Variants in SLC2A14 observed in about 807,000 individuals in gnomAD.
SLC2A14 encodes the protein solute carrier family 2 member 14, also known as solute carrier family 2, facilitated glucose transporter member 14.
A neutral mutation model predicts 43.0 loss-of-function variants in SLC2A14; 13 were observed. The observed-to-expected ratio is 0.30, with a 90% CI of 0.20 to 0.48. The LOEUF (loss-of-function observed/expected upper bound fraction) is 0.48. Ranked by LOEUF, SLC2A14 falls within the 20% of genes least tolerant of loss-of-function variation. The probability of loss-of-function intolerance (pLI) is 0.99; values close to 1 mark genes in which losing one functional copy is unlikely to be tolerated. For missense variants in SLC2A14, 428 were observed against 620.4 expected, an observed-to-expected ratio of 0.69 and a Z score of 3.29; for synonymous variants, 190 against 233.8, an observed-to-expected ratio of 0.81 and a Z score of 1.71.
intron 2 of SLC2A14, among the ~76,000 whole-genome samples, chr12:7,854,815 A>AT (rs1867221511): frequency 6.8e-6 from 1 of 147,492 alleles, no homozygotes; most frequent in Admixed American, 6.8e-5. Context: ...TTATTATTTT[A>AT]TTTTTTATTT....
chr12:7,863,350 T>G, intron 2 of SLC2A14: 1 of 452,854 alleles, frequency 2.2e-6, no homozygotes, highest in Non-Finnish European at 4.4e-6. Context: ...CGCACCACTT[T>G]AAGGGCTGTA....
chr12:7,816,339 CAT>C, intron 10 of SLC2A14, among the ~76,000 whole-genome samples: 1 of 49,732 alleles, frequency 2.0e-5, no homozygotes, highest in Non-Finnish European at 3.9e-5. Context: ...CTCCTGACCT[CAT>C]GATCCACCCG....
intron 2 of SLC2A14, among the ~76,000 whole-genome samples, chr12:7,836,523 C>T (rs1051815697): frequency 6.6e-6 from 1 of 152,098 alleles, no homozygotes; most frequent in East Asian, 1.9e-4. Flanking sequence ...CCCAGCCCAA[C>T]CACAGATGTA....
chr12:7,841,199 T>A (rs775586449), intron 2 of SLC2A14, among the ~76,000 whole-genome samples: 1 of 152,156 alleles, frequency 6.6e-6, no homozygotes, highest in African/African-American at 2.4e-5. Context: ...TCCCATGTAC[T>A]CCCTTAACAC....
chr12:7,844,983 T>G (rs1223923102), intron 2 of SLC2A14, among the ~76,000 whole-genome samples: 1 of 152,160 alleles, frequency 6.6e-6, no homozygotes, highest in Non-Finnish European at 1.5e-5. Flanking sequence ...TTATCACCAT[T>G]TTATAGGTGC....
chr12:7,850,467 C>T (rs1262366143), intron 2 of SLC2A14, among the ~76,000 whole-genome samples: 5 of 151,094 alleles, frequency 3.3e-5, no homozygotes, highest in Non-Finnish European at 7.4e-5. Flanking sequence ...GTGATCTCGG[C>T]TCACTGCAAC....
At chr12:7,840,032 A>G (rs1256703174) in intron 2 of SLC2A14, 1 of 334,868 alleles carries the variant, frequency 3.0e-6, no homozygotes, top group African/African-American at 2.3e-5. Context: ...GGATCACTTG[A>G]GCCCGGGAGG....
In SLC2A14 at chr12:7,814,416, G is replaced by T; in HGVS notation, c.1394C>A (p.Ala465Asp). Reference protein sequence around the residue: ...RGRTFEDITRAFEGQAHGADR... With the variant: ...RGRTFEDITRDFEGQAHGADR... ...TGCACCGTGTGCCTGCCCTTCAAAG[G>T]CCCGTGTGATATCCTCAAAAGTCCT... The change falls in exon 11 of 11, where the codon GCC becomes GAC. Residue 465 changes from alanine to aspartate, a missense_variant. By Grantham distance (126) the Ala-to-Asp change is moderately radical. Around this residue, in one of 4 missense-constraint regions of SLC2A14, gnomAD observed 119 missense variants for 188.7 expected, o/e 0.63. Transcript: ENST00000431042. 6.2e-7 allele frequency: 1 copy of T among 1,613,256 alleles called. No individual in the cohort carries two copies. The highest frequency in any genetic ancestry group is 8.5e-7 in the Non-Finnish European group (1 of 1,179,718).
At chr12:7,845,517 C>T (rs777886848) in intron 2 of SLC2A14, among the ~76,000 whole-genome samples, 6 of 151,866 alleles carry the variant, frequency 4.0e-5, no homozygotes, top group African/African-American at 9.7e-5. Context: ...TGGTGGCTTA[C>T]GCCTGTAATC....
upstream of SLC2A14, chr12:7,873,265 C>T (rs1285765893): frequency 4.1e-6 from 4 of 985,528 alleles, no homozygotes; most frequent in Non-Finnish European, 4.8e-6. Context: ...AGCCCCTCAC[C>T]GCCTGCAGCA....
chr12:7,830,050 G>A (rs1328848507), intron 4 of SLC2A14, 44 bp from the exon 5 acceptor site: 3 of 1,611,258 alleles, frequency 1.9e-6, no homozygotes, highest in Non-Finnish European at 2.5e-6. Flanking sequence ...CAAAGTGAGA[G>A]GCTCCTAACT....
chr12:7,863,675 A>G (rs1475395741), intron 2 of SLC2A14, among the ~76,000 whole-genome samples: 1 of 152,076 alleles, frequency 6.6e-6, no homozygotes, highest in Non-Finnish European at 1.5e-5. Context: ...CAATTCATTG[A>G]CATATAAACT....
intron 2 of SLC2A14, among the ~76,000 whole-genome samples, chr12:7,868,170 G>A (rs951645317): frequency 2.4e-4 from 36 of 152,106 alleles, no homozygotes; most frequent in Admixed American, 7.9e-4. Flanking sequence ...CTGATCAGTC[G>A]GCAGCCATCA....
intron 2 of SLC2A14, chr12:7,863,546 C>T (rs138649044): frequency 2.6e-6 from 1 of 378,660 alleles, no homozygotes; most frequent in Non-Finnish European, 5.3e-6. Flanking sequence ...AGAATGAACC[C>T]AGGACACAGA....
intron 10 of SLC2A14, 115 bp downstream of exon 10, chr12:7,817,716 C>T (rs1863575546): frequency 1.8e-6 from 2 of 1,127,830 alleles, no homozygotes; most frequent in African/African-American, 1.7e-5. Context: ...CAACTGCACA[C>T]CAGGGCGAGA....
intron 7 of SLC2A14, among the ~76,000 whole-genome samples, chr12:7,826,988 C>CTA (rs1864509371): frequency 1.4e-5 from 1 of 72,830 alleles, no homozygotes. Flanking sequence ...TCTCTCCTTT[C>CTA]TCTCTTTCTC....
intron 1 of SLC2A14, among the ~76,000 whole-genome samples, chr12:7,883,059 A>G (rs1337927983): frequency 2.0e-5 from 3 of 151,438 alleles, no homozygotes; most frequent in East Asian, 2.0e-4. Flanking sequence ...AAATACAAAA[A>G]TTAGCTGGAC....
At chr12:7,818,673 A>T (rs1280106607) in intron 9 of SLC2A14, among the ~76,000 whole-genome samples, 1 of 144,968 alleles carries the variant, frequency 6.9e-6, no homozygotes, top group East Asian at 2.0e-4. Flanking sequence ...AAAAACAAAA[A>T]ACAAAAACAA....
intron 1 of SLC2A14, among the ~76,000 whole-genome samples, chr12:7,885,948 A>G (rs753309886): frequency 6.6e-6 from 1 of 151,878 alleles, no homozygotes; most frequent in African/African-American, 2.4e-5. Context: ...GATTTATTGT[A>G]TTGTTCACTA....
Sources: allele counts gnomAD v4.1 joint callset (sites outside exome capture counted in the v4.1 genomes callset), GRCh38; gene constraint gnomAD v4.1.1; regional missense constraint gnomAD v4.1.1; transcripts MANE v1.5; gene names NCBI Gene and HGNC (gene_info 2026-07-23, HGNC 2026-07-21).